TRIM2: variants seen among roughly 807,000 people sequenced by gnomAD.
TRIM2 encodes tripartite motif containing 2.
In TRIM2, 20 loss-of-function variants were observed where a neutral mutation model predicts 75.2. The ratio of observed to expected loss-of-function variants is 0.27; its 90% confidence interval spans 0.19 to 0.39. The LOEUF is 0.39. TRIM2 is among the 10% of genes least tolerant of loss of function. The probability of loss-of-function intolerance (pLI) is 1.00; values close to 1 mark genes in which losing one functional copy is unlikely to be tolerated. For synonymous variants in TRIM2, 373 were observed against 388.3 expected (o/e 0.96, Z 0.46); for missense variants, 660 against 990.8 (o/e 0.67, Z 4.48).
intron 1 of TRIM2, among the ~76,000 whole-genome samples, chr4:153,244,114 C>A (rs1320483076): frequency 2.0e-5 from 3 of 151,446 alleles, no homozygotes; most frequent in African/African-American, 7.3e-5. Context: ...GCTACTGTGC[C>A]ACTGCCATCT....
chr4:153,284,757 T>C (rs1205851840), intron 3 of TRIM2, among the ~76,000 whole-genome samples: 2 of 152,238 alleles, frequency 1.3e-5, no homozygotes, highest in Admixed American at 6.5e-5. Flanking sequence ...AGAAAGTCTA[T>C]TCAAGTTCTT....
At chr4:153,246,486 A>T (rs962146701) in intron 1 of TRIM2, among the ~76,000 whole-genome samples, 1 of 152,218 alleles carries the variant, frequency 6.6e-6, no homozygotes, top group East Asian at 1.9e-4. Flanking sequence ...ATTAACTTCT[A>T]TTTCAAGTAA....
At chr4:153,170,936 A>G (rs1730792231) in intron 1 of TRIM2, among the ~76,000 whole-genome samples, 1 of 152,204 alleles carries the variant, frequency 6.6e-6, no homozygotes, top group South Asian at 2.1e-4. Context: ...TAAGACTATT[A>G]TTATCTTACT....
Position 153,315,602 on chromosome 4 carries a change from T to C in TRIM2, c.1614+14T>C. ...CAATGTGTGCAGGTATAGCCCCTAA[T>C]TATATACCTTTAACTACTTATATTG... is the stretch of plus-strand genomic sequence containing the variant. On this transcript the variant is annotated intron_variant, in intron 7 of 11. Transcript: ENST00000338700. 1 of 1,569,796 alleles carries C rather than the reference T, an allele frequency of 6.4e-7. No individual in the cohort carries two copies. The highest frequency in any genetic ancestry group is 1.2e-5 in the South Asian group (1 of 85,436).
In TRIM2 at chr4:153,335,204, C is replaced by A; in HGVS notation, c.*238C>A. 1 of 1,203,126 alleles carries A rather than the reference C, an allele frequency of 8.3e-7. No individual in the cohort carries two copies. Among genetic ancestry groups the A allele is most frequent in the Non-Finnish European group, 1.0e-6 (1 of 967,226 alleles). The allele number at this position is 1,203,126 out of a possible 1,614,324, so 74.5% of individuals were successfully genotyped here. A position where few individuals can be genotyped will look rare whatever the true frequency, so the allele number is the denominator to read the frequency against. ...ATCTATAAAAACTGCAGTTTTACAT[C>A]TGTGAACTATGGCTTAAGGGACAGG... is the stretch of plus-strand genomic sequence containing the variant. On this transcript the variant is annotated 3_prime_UTR_variant, in exon 12 of 12. Coordinates refer to ENST00000338700, the MANE Select transcript of TRIM2 (RefSeq NM_015271.5).
intron 6 of TRIM2, 85 bp from the exon 7 acceptor site, chr4:153,315,400 G>A (rs1226419758): frequency 8.9e-7 from 1 of 1,121,972 alleles, no homozygotes; most frequent in Non-Finnish European, 1.3e-6. Flanking sequence ...TCAGGTACCT[G>A]TGGAAATCTG....
chr4:153,226,009 T>C (rs1414635221), intron 1 of TRIM2, among the ~76,000 whole-genome samples: 1 of 152,216 alleles, frequency 6.6e-6, no homozygotes, highest in Non-Finnish European at 1.5e-5. Context: ...TAGCTGGGAC[T>C]ACAGGCATGT....
chr4:153,266,640 CT>C (rs35140648), intron 1 of TRIM2, among the ~76,000 whole-genome samples: 538 of 131,228 alleles, frequency 4.1e-3, no homozygotes, highest in African/African-American at 0.011. Context: ...TGTGCCCGAC[CT>C]TTTTTTTTTT....
intron 3 of TRIM2, among the ~76,000 whole-genome samples, chr4:153,282,626 G>A (rs190933837): frequency 6.6e-6 from 1 of 151,934 alleles, no homozygotes; most frequent in Admixed American, 6.6e-5. Context: ...TTGTTTTTTT[G>A]TTTTGAGACA....
chr4:153,302,652 A>G (rs1355166029), intron 6 of TRIM2, among the ~76,000 whole-genome samples: 1 of 152,230 alleles, frequency 6.6e-6, no homozygotes, highest in Admixed American at 6.5e-5. Flanking sequence ...GAAAAGGTCA[A>G]AGGGATTAAA....
chr4:153,279,424 G>GA (rs1758739879), intron 3 of TRIM2, among the ~76,000 whole-genome samples: 1 of 151,576 alleles, frequency 6.6e-6, no homozygotes, highest in South Asian at 2.1e-4. Context: ...TGTTTATGGG[G>GA]AAAAAACAAA....
intron 1 of TRIM2, among the ~76,000 whole-genome samples, chr4:153,190,822 C>T (rs1733106697): frequency 6.6e-6 from 1 of 152,214 alleles, no homozygotes; most frequent in Non-Finnish European, 1.5e-5. Flanking sequence ...ACTGCAACCT[C>T]TGCCTCCTGG....
intron 1 of TRIM2, among the ~76,000 whole-genome samples, chr4:153,224,644 C>CT: frequency 6.6e-6 from 1 of 152,292 alleles, no homozygotes; most frequent in Non-Finnish European, 1.5e-5. Flanking sequence ...TTTTCCAATT[C>CT]CTGCCTTTAT....
In TRIM2 at chr4:153,155,412, A is replaced by G. The variant is rs190629304; in HGVS notation, c.-49+2142A>G. The stretch of plus-strand genomic sequence containing the variant: ...CCACTGTACTTTAAAAAGAATATGC[A>G]GAAATTGGAGGGAAGGGGTTCAGAA... On this transcript the variant is annotated intron_variant, in intron 1 of 11. Coordinates refer to the TRIM2 transcript ENST00000437508. Among the ~76,000 whole-genome samples, 45 of 152,294 alleles carry G rather than the reference A, an allele frequency of 3.0e-4. No homozygotes were observed. The East Asian group carries it at 8.5e-3, about 29-fold the overall frequency.
intron 11 of TRIM2, among the ~76,000 whole-genome samples, chr4:153,333,717 G>A (rs576563163): frequency 7.3e-5 from 11 of 151,718 alleles, no homozygotes; most frequent in African/African-American, 2.7e-4. Context: ...AAAAATTTCA[G>A]GAAAAATAAT....
In TRIM2 at chr4:153,270,399, G is replaced by T. The variant is rs1293116519; in HGVS notation, c.95G>T (p.Gly32Val). ...CAGTGGTCTAGGATGGCCAGTGAAGGCACCAACATCCCAAGTCCTGTGGTG... is the reference window on the plus strand; with the variant it reads ...CAGTGGTCTAGGATGGCCAGTGAAGTCACCAACATCCCAAGTCCTGTGGTG... The part of the protein sequence containing the change: ...PCQWSRMASE[G>V]TNIPSPVVRQ... The change falls in exon 2 of 12, where the codon GGC becomes GTC. Residue 32 changes from glycine to valine, a missense_variant. Physicochemically the swap from Gly to Val is moderately radical, Grantham distance 109. Around this residue, in one of 2 missense-constraint regions of TRIM2, gnomAD observed 620 missense variants for 891.0 expected, o/e 0.70. Coordinates refer to ENST00000338700, the MANE Select transcript of TRIM2 (RefSeq NM_015271.5). The T allele has an allele frequency of 6.2e-7, 1 of 1,613,950 alleles. No individual in the cohort carries two copies.
chr4:153,232,176 T>C (rs1162627688), intron 1 of TRIM2, among the ~76,000 whole-genome samples: 1 of 152,154 alleles, frequency 6.6e-6, no homozygotes, highest in Admixed American at 6.5e-5. Flanking sequence ...TATATCTTTT[T>C]GGAGGGAGGG....
At chr4:153,172,157 A>AAACCACGG (rs1463068835) in intron 1 of TRIM2, among the ~76,000 whole-genome samples, 2 of 148,592 alleles carry the variant, frequency 1.3e-5, no homozygotes, top group African/African-American at 5.0e-5. Context: ...TTTTTTTTAG[A>AAACCACGG]AACCACGGCA....
At chr4:153,313,627 C>CTTTTTTTT (rs398051309) in intron 6 of TRIM2, among the ~76,000 whole-genome samples, 4 of 98,526 alleles carry the variant, frequency 4.1e-5, no homozygotes, top group African/African-American at 1.8e-4. Context: ...AGCAATGGCT[C>CTTTTTTTT]TTTTTTTTTT....
Sources: gnomAD v4.1 joint callset for allele counts (sites outside exome capture counted in the v4.1 genomes callset) on GRCh38, gnomAD v4.1.1 for gene constraint, gnomAD v4.1.1 regional missense constraint, MANE v1.5 for transcripts, NCBI Gene and HGNC (gene_info 2026-07-23, HGNC 2026-07-21) for gene names.